Variants in PBX1 observed in about 807,000 individuals in gnomAD.
PBX1 encodes the protein pre-B-cell leukemia transcription factor 1.
Under a neutral mutation model 53.4 loss-of-function variants are expected in PBX1, and 6 were observed. The ratio of observed to expected loss-of-function variants is 0.11; its 90% CI spans 0.06 to 0.22. PBX1 has a LOEUF of 0.22. Among genes scored for constraint, PBX1 ranks in the 10% least tolerant of loss-of-function variants. The pLI is 1.00. For missense variants in PBX1, 251 were observed against 551.4 expected, an observed-to-expected ratio of 0.46 and a Z score of 5.46; for synonymous variants, 204 against 212.3, an observed-to-expected ratio of 0.96 and a Z score of 0.34.
chr1:164,559,716 GA>G lies in PBX1; in HGVS notation c.-103del. The G allele has an allele frequency of 1.3e-6, 1 of 756,888 alleles. No homozygotes were observed. Among genetic ancestry groups the G allele is most frequent in the South Asian group, 2.7e-5 (1 of 37,356 alleles). The allele number at this position is 756,888 out of a possible 1,614,324, so 46.9% of individuals were successfully genotyped here. A position where few individuals can be genotyped will look rare whatever the true frequency, so the allele number is the denominator to read the frequency against. On this transcript the variant is annotated 5_prime_UTR_variant, in exon 1 of 9. Coordinates refer to ENST00000420696, the MANE Select transcript of PBX1 (RefSeq NM_002585.4). Reference sequence around the variant, plus strand: ...TTTTTCCCCCTTCCCTGTTTATCCTGAAAAGGATTTGAAGACAAGCTTGAAG... The same window carrying G: ...TTTTTCCCCCTTCCCTGTTTATCCTGAAAGGATTTGAAGACAAGCTTGAAG...
chr1:164,565,422 G>GACAC (rs36118857), intron 2 of PBX1, among the ~76,000 whole-genome samples: 15,738 of 145,890 alleles, frequency 0.11, 1,062 homozygotes, highest in African/African-American at 0.2. Context: ...TGTGTTAAGG[G>GACAC]ACACACACAC....
chr1:164,693,608 G>T (rs971200516), intron 2 of PBX1, among the ~76,000 whole-genome samples: 3 of 152,114 alleles, frequency 2.0e-5, no homozygotes, highest in Admixed American at 1.3e-4. Flanking sequence ...GCCTTACTTG[G>T]CAGAGCAGAG....
intron 2 of PBX1, among the ~76,000 whole-genome samples, chr1:164,578,646 C>T (rs1654414935): frequency 6.6e-6 from 1 of 152,176 alleles, no homozygotes; most frequent in Non-Finnish European, 1.5e-5. Context: ...AGGTCCATCA[C>T]TCCCAAAGCC....
In PBX1 at chr1:164,559,915, A is replaced by G. The variant is rs1652906578; in HGVS notation, c.93A>G (p.Gly31=). The G allele has an allele frequency of 7.3e-7, 1 of 1,376,824 alleles. No homozygotes were observed. 85.3% of individuals were successfully genotyped at this position (1,376,824 alleles called of 1,614,324 possible). Residue 31 remains glycine (G), a synonymous_variant, in exon 1 of 9, where the codon GGA becomes GGG. Transcript: ENST00000420696. Reference sequence around the variant, plus strand: ...CCCAGCACTTGCAGGATGGGGCCGGAGGGACCGAGGGGGAGGGCGGGAGGA... The same window carrying G: ...CCCAGCACTTGCAGGATGGGGCCGGGGGGACCGAGGGGGAGGGCGGGAGGA... ...GLSQHLQDGA[G]GTEGEGGRKQ...
In PBX1 at chr1:164,602,661, T is replaced by A. The variant is rs540836394; in HGVS notation, c.265+39350T>A. Reference sequence around the variant, plus strand: ...AGCTCTTGACTGGCTGTTTATCTATTCCATTCCACTACCTTCCCACCCCAG... The same window carrying A: ...AGCTCTTGACTGGCTGTTTATCTATACCATTCCACTACCTTCCCACCCCAG... On this transcript the variant is annotated intron_variant, in intron 2 of 8. Coordinates refer to ENST00000420696, the MANE Select transcript of PBX1 (RefSeq NM_002585.4). Among the ~76,000 whole-genome samples the A allele has an allele frequency of 7.3e-5, 11 of 149,986 alleles. No homozygotes were observed. In the South Asian group the frequency reaches 2.3e-3, roughly 32 times the overall value.
chr1:164,611,829 C>T (rs1259036404), intron 2 of PBX1, among the ~76,000 whole-genome samples: 2 of 152,112 alleles, frequency 1.3e-5, no homozygotes, highest in Non-Finnish European at 2.9e-5. Context: ...TGAGGACCTG[C>T]TCTGTGCCTG....
chr1:164,764,027 T>C, intron 2 of PBX1, among the ~76,000 whole-genome samples: 1 of 152,224 alleles, frequency 6.6e-6, no homozygotes, highest in East Asian at 1.9e-4. Context: ...TCAGGGAACC[T>C]AAATGCCGTA....
chr1:164,790,081 G>A (rs1244423140), intron 2 of PBX1, among the ~76,000 whole-genome samples: 2 of 152,056 alleles, frequency 1.3e-5, no homozygotes, highest in African/African-American at 4.8e-5. Flanking sequence ...GCTGCTGGGC[G>A]CTGCTGCCAG....
intron 8 of PBX1, among the ~76,000 whole-genome samples, chr1:164,840,978 C>T (rs762383991): frequency 4.6e-5 from 7 of 152,092 alleles, no homozygotes; most frequent in Non-Finnish European, 8.8e-5. Flanking sequence ...CTATGCCTCT[C>T]CAAGAAACAT....
intron 2 of PBX1, among the ~76,000 whole-genome samples, chr1:164,760,046 G>A (rs1666727251): frequency 6.6e-6 from 1 of 152,186 alleles, no homozygotes. Context: ...CAGTCTCCGT[G>A]TGTCTGTAAA....
intron 2 of PBX1, among the ~76,000 whole-genome samples, chr1:164,640,833 C>T (rs915433460): frequency 2.0e-5 from 3 of 152,158 alleles, no homozygotes; most frequent in African/African-American, 7.2e-5. Context: ...GCTAGGATTA[C>T]AGGCATGAGC....
chr1:164,771,903 G>A (rs755318985), intron 2 of PBX1, among the ~76,000 whole-genome samples: 11 of 152,282 alleles, frequency 7.2e-5, no homozygotes, highest in East Asian at 5.8e-4. Flanking sequence ...CCTCCAGGCC[G>A]GAAGGGGGGC....
chr1:164,873,061 T>C (rs1672420435), intron 2 of PBX1, among the ~76,000 whole-genome samples: 1 of 152,226 alleles, frequency 6.6e-6, no homozygotes, highest in Non-Finnish European at 1.5e-5. Flanking sequence ...TTTATATTTA[T>C]GGAAACTGAC....
chr1:164,686,761 A>G (rs1422061858), intron 2 of PBX1, among the ~76,000 whole-genome samples: 1 of 151,982 alleles, frequency 6.6e-6, no homozygotes, highest in Non-Finnish European at 1.5e-5. Context: ...GATTGAGACC[A>G]TCCTGGCTAA....
intron 2 of PBX1, among the ~76,000 whole-genome samples, chr1:164,586,391 T>TCATTTC (rs1330420597): frequency 1.3e-5 from 2 of 152,218 alleles, no homozygotes; most frequent in Non-Finnish European, 2.9e-5. Context: ...TTTCCCCTTT[T>TCATTTC]CATTTCCAAG....
At chr1:164,598,079 G>A (rs1039040711) in intron 2 of PBX1, among the ~76,000 whole-genome samples, 1 of 152,094 alleles carries the variant, frequency 6.6e-6, no homozygotes, top group Non-Finnish European at 1.5e-5. Context: ...TGGTGAGAGG[G>A]CAGGAGCAAG....
At chr1:164,633,644 A>G (rs1658558285) in intron 2 of PBX1, among the ~76,000 whole-genome samples, 1 of 152,206 alleles carries the variant, frequency 6.6e-6, no homozygotes, top group Non-Finnish European at 1.5e-5. Context: ...CTATACAAGG[A>G]AAAGTGTAAT....
At chr1:164,657,126 G>A (rs1437933001) in intron 2 of PBX1, 1 of 152,156 alleles carries the variant, frequency 6.6e-6, no homozygotes, top group Non-Finnish European at 1.5e-5. Flanking sequence ...GGGAAGATAA[G>A]AACACATGTA....
At chr1:164,574,592 C>T (rs1304553223) in intron 2 of PBX1, among the ~76,000 whole-genome samples, 3 of 152,066 alleles carry the variant, frequency 2.0e-5, no homozygotes, top group Non-Finnish European at 2.9e-5. Flanking sequence ...CCTAGATGGT[C>T]ATGTAAAACT....
Sources: allele counts gnomAD v4.1 joint callset (sites outside exome capture counted in the v4.1 genomes callset), GRCh38; gene constraint gnomAD v4.1.1; transcripts MANE v1.5; gene names NCBI Gene and HGNC (gene_info 2026-07-23, HGNC 2026-07-21).